Variants in CPEB4 observed in about 807,000 individuals in gnomAD.
CPEB4 encodes the protein cytoplasmic polyadenylation element-binding protein 4.
A neutral mutation model predicts 72.5 loss-of-function variants in CPEB4; 12 were observed. The ratio of observed to expected loss-of-function variants is 0.17; its 90% CI spans 0.11 to 0.27. The LOEUF is 0.27. Among genes scored for constraint, CPEB4 ranks in the 10% least tolerant of loss-of-function variants. The pLI, the probability that CPEB4 is intolerant of heterozygous loss-of-function variation, is 1.00. For synonymous variants in CPEB4, 302 were observed against 326.3 expected (o/e 0.93, Z 0.80); for missense variants, 614 against 908.5 (o/e 0.68, Z 4.17).
chr5:173,889,908 G>C lies in CPEB4; in HGVS notation c.175G>C (p.Ala59Pro), dbSNP rs998788270. 1.2e-6 allele frequency: 2 copies of C among 1,614,124 alleles called. No homozygotes were observed. Among genetic ancestry groups the C allele is most frequent in the East Asian group, 2.2e-5 (1 of 44,882 alleles). ...TGCCAATGGCAGCAGTGCTGGGTCA[G>C]CTTGGCTTTTTCCTGCTCCAGCTAC... ...TAANGSSAGS[A>P]WLFPAPATHN... is the part of the protein sequence containing the mutation. Residue 59 changes from alanine (A) to proline (P), a missense_variant, in exon 1 of 10, where the codon GCT (alanine) becomes CCT (proline). Physicochemically the swap from Ala to Pro is conservative, Grantham distance 27 (BLOSUM62 -1). This residue lies in a region of CPEB4 where 458 missense variants were observed against 548.6 expected (regional missense o/e 0.83). Coordinates refer to ENST00000265085, the MANE Select transcript of CPEB4 (RefSeq NM_030627.4).
At chr5:173,911,137 T>G (rs936318156) in intron 2 of CPEB4, among the ~76,000 whole-genome samples, 6 of 152,176 alleles carry the variant, frequency 3.9e-5, no homozygotes, top group African/African-American at 1.4e-4. Context: ...ACAAGTTGTG[T>G]TATCTTGAAT....
In CPEB4 at chr5:173,890,035, G is replaced by A. The variant is rs1561600400; in HGVS notation, c.302G>A (p.Gly101Asp). 6.2e-7 allele frequency: 1 copy of A among 1,614,130 alleles called. No homozygotes were observed. The highest frequency in any genetic ancestry group is 1.1e-5 in the South Asian group (1 of 91,082). Residue 101 changes from glycine to aspartate, a missense_variant, in exon 1 of 10, where the codon GGT (glycine) becomes GAT (aspartate). Coordinates refer to ENST00000265085, the MANE Select transcript of CPEB4 (RefSeq NM_030627.4). ...LEKQQLSPSP[G>D]QEAGILPETE... is the part of the protein sequence containing the mutation. ...AAGCAGCAGCTTTCCCCAAGTCCAG[G>A]TCAGGAAGCTGGAATACTGCCTGAA...
intron 1 of CPEB4, among the ~76,000 whole-genome samples, chr5:173,910,055 C>G (rs1334444645): frequency 6.7e-6 from 1 of 149,026 alleles, no homozygotes. Flanking sequence ...ATTTAATAGT[C>G]TTACAATCAT....
intron 3 of CPEB4, among the ~76,000 whole-genome samples, chr5:173,942,220 A>G (rs1216269380): frequency 6.6e-6 from 1 of 152,218 alleles, no homozygotes; most frequent in Admixed American, 6.5e-5. Flanking sequence ...GACATGCACT[A>G]TTTACTATTT....
At chr5:173,898,820 G>T (rs1470132692) in intron 1 of CPEB4, among the ~76,000 whole-genome samples, 1 of 152,178 alleles carries the variant, frequency 6.6e-6, no homozygotes, top group East Asian at 1.9e-4. Flanking sequence ...GGGACTACAG[G>T]CATGTGCCAC....
intron 2 of CPEB4, among the ~76,000 whole-genome samples, chr5:173,929,267 T>C (rs1757354455): frequency 6.6e-6 from 1 of 152,244 alleles, no homozygotes; most frequent in Admixed American, 6.5e-5. Flanking sequence ...AGAGACCGTT[T>C]TGTTACTGTC....
intron 3 of CPEB4, among the ~76,000 whole-genome samples, chr5:173,937,019 C>CCTT (rs1561625579): frequency 1.0e-5 from 1 of 97,214 alleles, no homozygotes; most frequent in Non-Finnish European, 2.0e-5. Flanking sequence ...CATTTCTTTC[C>CCTT]TTTTTTTTTT....
chr5:173,905,569 T>A (rs1756405949), intron 1 of CPEB4, among the ~76,000 whole-genome samples: 1 of 152,140 alleles, frequency 6.6e-6, no homozygotes. Flanking sequence ...TCTGCCCACC[T>A]CGGCCTCCCA....
At chr5:173,925,202 A>G (rs1013160092) in intron 2 of CPEB4, among the ~76,000 whole-genome samples, 11 of 152,118 alleles carry the variant, frequency 7.2e-5, no homozygotes, top group African/African-American at 2.7e-4. Flanking sequence ...CAGTGTGGAG[A>G]GTTAGGAAAG....
At chr5:173,935,000 A>T (rs1018846902) in intron 3 of CPEB4, among the ~76,000 whole-genome samples, 2 of 152,204 alleles carry the variant, frequency 1.3e-5, no homozygotes, top group Non-Finnish European at 2.9e-5. Flanking sequence ...TGGCATAATG[A>T]ATTGTGCTTA....
chr5:173,902,625 G>A (rs1323390824), intron 1 of CPEB4, among the ~76,000 whole-genome samples: 1 of 152,158 alleles, frequency 6.6e-6, no homozygotes, highest in Non-Finnish European at 1.5e-5. Flanking sequence ...CATGATGGGT[G>A]ATGTAGATCT....
chr5:173,954,928 A>T (rs1360305337), intron 9 of CPEB4, among the ~76,000 whole-genome samples: 2 of 151,832 alleles, frequency 1.3e-5, no homozygotes, highest in Non-Finnish European at 2.9e-5. Context: ...TTGTACTTTT[A>T]TTTTTTTAGT....
chr5:173,897,345 A>G (rs949916005), intron 1 of CPEB4, among the ~76,000 whole-genome samples: 1 of 152,164 alleles, frequency 6.6e-6, no homozygotes, highest in East Asian at 1.9e-4. Flanking sequence ...AGAATTTATG[A>G]TTTTTCAGTA....
chr5:173,935,687 C>T (rs1407590544), intron 3 of CPEB4, among the ~76,000 whole-genome samples: 5 of 152,064 alleles, frequency 3.3e-5, no homozygotes. Context: ...CAAGCAACCT[C>T]AAAGCTTTTA....
At chr5:173,937,019 C>CCTTTT (rs1561625579) in intron 3 of CPEB4, among the ~76,000 whole-genome samples, 1 of 97,214 alleles carries the variant, frequency 1.0e-5, no homozygotes, top group Non-Finnish European at 2.0e-5. Flanking sequence ...CATTTCTTTC[C>CCTTTT]TTTTTTTTTT....
At position 173,955,941 on chromosome 5, in the gene CPEB4, A is replaced by G; in HGVS notation, c.1994A>G (p.Gln665Arg). 6.2e-7 allele frequency: 1 copy of G among 1,614,020 alleles called. No individual in the cohort carries two copies. The highest frequency in any genetic ancestry group is 8.5e-7 in the Non-Finnish European group (1 of 1,179,938). Residue 665 changes from glutamine to arginine, a missense_variant, in exon 10 of 10, where the codon CAG (glutamine) becomes CGG (arginine). Physicochemically the swap from Gln to Arg is conservative, Grantham distance 43. Transcript: ENST00000265085. This position sits in a 1 kb window ranked among gnomAD's most constrained non-coding sequence, Gnocchi z 4.7. ...VEVKPYVLDD[Q>R]LCDECQGARC... Reference sequence around the variant, plus strand: ...GTTAAGCCATATGTCTTGGATGATCAGCTGTGTGATGAATGTCAGGGGGCC... The same window carrying G: ...GTTAAGCCATATGTCTTGGATGATCGGCTGTGTGATGAATGTCAGGGGGCC...
At chr5:173,907,943 A>T (rs1756504762) in intron 1 of CPEB4, among the ~76,000 whole-genome samples, 1 of 152,220 alleles carries the variant, frequency 6.6e-6, no homozygotes, top group Admixed American at 6.5e-5. Flanking sequence ...TGGGAAGCTC[A>T]CAGTCAGAGG....
At chr5:173,939,163 A>G (rs1412032898) in intron 3 of CPEB4, among the ~76,000 whole-genome samples, 1 of 152,148 alleles carries the variant, frequency 6.6e-6, no homozygotes, top group Non-Finnish European at 1.5e-5. Context: ...GATTTTATGC[A>G]TAGTCCCACA....
chr5:173,948,851 G>T (rs913211110), intron 5 of CPEB4, among the ~76,000 whole-genome samples: 2 of 152,066 alleles, frequency 1.3e-5, no homozygotes, highest in Non-Finnish European at 2.9e-5. Context: ...TTTTATAAGG[G>T]CACTAATCCC....
Sources: gnomAD v4.1 joint callset for allele counts (sites outside exome capture counted in the v4.1 genomes callset) on GRCh38, gnomAD v4.1.1 for gene constraint, gnomAD v4.1.1 regional missense constraint, Gnocchi (gnomAD v3.1) non-coding constraint, MANE v1.5 for transcripts, NCBI Gene and HGNC (gene_info 2026-07-23, HGNC 2026-07-21) for gene names.